Variants in PDE4D observed in about 807,000 individuals in gnomAD.
The protein encoded by PDE4D is phosphodiesterase 4D, also known as 3',5'-cyclic-AMP phosphodiesterase 4D.
Under a neutral mutation model 87.4 loss-of-function variants are expected in PDE4D, and 24 were observed. The observed-to-expected ratio is 0.27, with a 90% CI of 0.20 to 0.39. The LOEUF is 0.39. Ranked by LOEUF, PDE4D falls within the 10% of genes least tolerant of loss-of-function variation. PDE4D has a pLI of 1.00. For synonymous variants in PDE4D, 384 were observed against 383.2 expected, an observed-to-expected ratio of 1.00 and a Z score of -0.02; for missense variants, 714 against 1,041.0, an observed-to-expected ratio of 0.69 and a Z score of 4.32.
chr5:59,560,778 C>G (rs1819844343), intron 1 of PDE4D: 1 of 152,166 alleles, frequency 6.6e-6, no homozygotes, highest in East Asian at 1.9e-4. Flanking sequence ...ACAATAAATT[C>G]ATTGTTTCTG....
chr5:59,322,195 T>A (rs549712172), intron 1 of PDE4D, among the ~76,000 whole-genome samples: 1 of 152,256 alleles, frequency 6.6e-6, no homozygotes, highest in African/African-American at 2.4e-5. Context: ...TGTGCTGGAT[T>A]TTTGGAAGAA....
chr5:59,320,680 A>T (rs75894218), intron 1 of PDE4D, among the ~76,000 whole-genome samples: 1,659 of 152,252 alleles, frequency 0.011, 33 homozygotes, highest in African/African-American at 0.038. Flanking sequence ...ACAAGATTGA[A>T]AAAAGTTATA....
At chr5:60,187,323 G>A (rs910815531) in intron 1 of PDE4D, among the ~76,000 whole-genome samples, 2 of 152,092 alleles carry the variant, frequency 1.3e-5, no homozygotes, top group African/African-American at 4.8e-5. Flanking sequence ...CCCAGAAAAT[G>A]CAGAATTATG....
intron 5 of PDE4D, among the ~76,000 whole-genome samples, chr5:59,123,284 T>C (rs879429432): frequency 6.6e-6 from 1 of 152,204 alleles, no homozygotes. Context: ...CCATGAGCAA[T>C]AGTGTATTTG....
intron 5 of PDE4D, among the ~76,000 whole-genome samples, chr5:59,050,452 A>T (rs536786510): frequency 4.6e-5 from 7 of 152,202 alleles, no homozygotes; most frequent in Non-Finnish European, 8.8e-5. Flanking sequence ...GTAAACCTAC[A>T]TTTGTTAACT....
At chr5:60,442,563 T>A (rs956495298) in intron 1 of PDE4D, among the ~76,000 whole-genome samples, 1 of 151,884 alleles carries the variant, frequency 6.6e-6, no homozygotes, top group African/African-American at 2.4e-5. Flanking sequence ...TGCACATGTA[T>A]CCCAGAAATT....
intron 5 of PDE4D, among the ~76,000 whole-genome samples, chr5:59,148,479 A>G (rs1449813355): frequency 6.6e-6 from 1 of 152,156 alleles, no homozygotes; most frequent in Non-Finnish European, 1.5e-5. Flanking sequence ...TATAGCATGG[A>G]GACAATGACA....
intron 3 of PDE4D, among the ~76,000 whole-genome samples, chr5:59,914,866 G>GGGGTGTGTGTGTGTGT (rs1342565323): frequency 2.4e-5 from 3 of 122,622 alleles, no homozygotes; most frequent in Non-Finnish European, 5.0e-5. Context: ...TACTGATAGG[G>GGGGTGTGTGTGTGTGT]GTGTGTGTGT....
chr5:59,712,034 C>G (rs987187541), intron 1 of PDE4D, among the ~76,000 whole-genome samples: 44 of 152,098 alleles, frequency 2.9e-4, no homozygotes, highest in East Asian at 7.7e-4. Context: ...AAAGTTTTCC[C>G]CAGTGAGTTT....
intron 2 of PDE4D, among the ~76,000 whole-genome samples, chr5:60,110,454 T>G (rs111770883): frequency 0.012 from 1,772 of 152,084 alleles, 12 homozygotes; most frequent in Non-Finnish European, 0.02. Flanking sequence ...CACAATGAGA[T>G]ATTATCTCAC....
At chr5:59,204,504 T>A (rs1364408428) in intron 2 of PDE4D, among the ~76,000 whole-genome samples, 1 of 152,234 alleles carries the variant, frequency 6.6e-6, no homozygotes, top group Non-Finnish European at 1.5e-5. Context: ...AACAAATGTT[T>A]AGCACATGTG....
intron 1 of PDE4D, among the ~76,000 whole-genome samples, chr5:59,282,779 T>G (rs2591825): frequency 0.31 from 46,859 of 151,830 alleles, 9,096 homozygotes; most frequent in East Asian, 0.68. Flanking sequence ...GAAAGTAAAC[T>G]CTCATCAGGA....
At chr5:59,070,880 T>C (rs1184020538) in intron 5 of PDE4D, among the ~76,000 whole-genome samples, 1 of 152,224 alleles carries the variant, frequency 6.6e-6, no homozygotes, top group Non-Finnish European at 1.5e-5. Context: ...TTGGTTATTC[T>C]CCATGTCTCT....
intron 1 of PDE4D, among the ~76,000 whole-genome samples, chr5:59,506,716 A>G (rs141063311): frequency 1.3e-5 from 2 of 152,348 alleles, no homozygotes; most frequent in African/African-American, 4.8e-5. Context: ...ACATCAGTGA[A>G]GTGAAAATTA....
At chr5:60,321,882 C>CA (rs1756305756) in intron 1 of PDE4D, among the ~76,000 whole-genome samples, 2 of 139,492 alleles carry the variant, frequency 1.4e-5, no homozygotes, top group Non-Finnish European at 3.0e-5. Context: ...ATTAAAAAGT[C>CA]AAAAAATACT....
At chr5:60,053,023 C>T (rs1273471552) in intron 2 of PDE4D, among the ~76,000 whole-genome samples, 1 of 152,136 alleles carries the variant, frequency 6.6e-6, no homozygotes, top group Non-Finnish European at 1.5e-5. Context: ...CAAACCACTG[C>T]TCAAGGAAAT....
intron 3 of PDE4D, among the ~76,000 whole-genome samples, chr5:59,918,145 T>C (rs1754277415): frequency 6.6e-6 from 1 of 152,102 alleles, no homozygotes; most frequent in Non-Finnish European, 1.5e-5. Flanking sequence ...AAAATTATTT[T>C]CTGTTATGGT....
At chr5:60,002,538 A>T (rs1276044593) in intron 2 of PDE4D, among the ~76,000 whole-genome samples, 1 of 152,174 alleles carries the variant, frequency 6.6e-6, no homozygotes, top group Admixed American at 6.6e-5. Context: ...TAGCAAACTG[A>T]ATTTGACAAT....
chr5:59,117,546 C>A (rs1231373347), intron 5 of PDE4D, among the ~76,000 whole-genome samples: 1 of 152,128 alleles, frequency 6.6e-6, no homozygotes, highest in East Asian at 1.9e-4. Context: ...GCCTTACTTC[C>A]CCCTGGAGCA....
Sources: allele counts gnomAD v4.1 joint callset (sites outside exome capture counted in the v4.1 genomes callset), GRCh38; gene constraint gnomAD v4.1.1; transcripts MANE v1.5; gene names NCBI Gene and HGNC (gene_info 2026-07-23, HGNC 2026-07-21).